ROBO2: variants seen among roughly 807,000 people sequenced by gnomAD.
ROBO2 encodes roundabout homolog 2.
A neutral mutation model predicts 160.8 loss-of-function variants in ROBO2; 53 were observed. The observed-to-expected ratio is 0.33, with a 90% confidence interval of 0.26 to 0.41. The LOEUF (loss-of-function observed/expected upper bound fraction) is 0.41, where lower values mean the gene tolerates loss of function less well. Among genes scored for constraint, ROBO2 ranks in the 10% least tolerant of loss-of-function variants. The probability of loss-of-function intolerance (pLI) is 1.00; values close to 1 mark genes in which losing one functional copy is unlikely to be tolerated. For missense variants in ROBO2, 1,577 were observed against 1,722.4 expected, an observed-to-expected ratio of 0.92 and a Z score of 1.49; for synonymous variants, 664 against 611.7, an observed-to-expected ratio of 1.09 and a Z score of -1.26.
At chr3:76,386,333 C>CCCTG (rs1050132695) in intron 2 of ROBO2, among the ~76,000 whole-genome samples, 1 of 89,666 alleles carries the variant, frequency 1.1e-5, no homozygotes, top group African/African-American at 5.9e-5. Context: ...CTCCTTCCCT[C>CCCTG]CCTCCCTCCC....
At chr3:76,737,509 C>T (rs970190654) in intron 2 of ROBO2, among the ~76,000 whole-genome samples, 6 of 152,094 alleles carry the variant, frequency 3.9e-5, no homozygotes, top group Non-Finnish European at 8.8e-5. Context: ...CCACAAAAGG[C>T]CTATTTAAGC....
chr3:77,291,483 C>A (rs2061247353), intron 2 of ROBO2, among the ~76,000 whole-genome samples: 1 of 151,506 alleles, frequency 6.6e-6, no homozygotes, highest in African/African-American at 2.4e-5. Context: ...TAGGCTGAGG[C>A]TAGATCACCC....
chr3:77,572,417 T>C (rs931759718), intron 13 of ROBO2, among the ~76,000 whole-genome samples: 2 of 151,968 alleles, frequency 1.3e-5, no homozygotes, highest in African/African-American at 4.8e-5. Context: ...TTTCAAAGAA[T>C]GTATCCAATG....
intron 2 of ROBO2, among the ~76,000 whole-genome samples, chr3:77,254,257 A>G (rs1193749090): frequency 6.6e-6 from 1 of 152,168 alleles, no homozygotes; most frequent in African/African-American, 2.4e-5. Flanking sequence ...CAGAGACCCT[A>G]TCTCAAAAAG....
intron 2 of ROBO2, among the ~76,000 whole-genome samples, chr3:76,164,029 C>A (rs1308763113): frequency 6.6e-6 from 1 of 152,168 alleles, no homozygotes; most frequent in Non-Finnish European, 1.5e-5. Context: ...TGGAGTCAAT[C>A]CCCTCAAACC....
At chr3:76,277,982 T>G (rs1305644341) in intron 2 of ROBO2, among the ~76,000 whole-genome samples, 1 of 151,760 alleles carries the variant, frequency 6.6e-6, no homozygotes, top group African/African-American at 2.4e-5. Flanking sequence ...GTAGCCTGGT[T>G]TTGTGCAGTC....
intron 2 of ROBO2, among the ~76,000 whole-genome samples, chr3:76,868,489 T>C (rs998799641): frequency 6.6e-6 from 1 of 152,202 alleles, no homozygotes; most frequent in African/African-American, 2.4e-5. Context: ...CACTTATTTT[T>C]AGACAATAAA....
At chr3:76,472,062 AATGTGT>A (rs1419194097) in intron 2 of ROBO2, among the ~76,000 whole-genome samples, 5 of 125,824 alleles carry the variant, frequency 4.0e-5, no homozygotes, top group African/African-American at 6.1e-5. Context: ...GGTCTGATAA[AATGTGT>A]GTGTGTGTGT....
chr3:76,798,237 G>GA (rs1290200446), intron 2 of ROBO2, among the ~76,000 whole-genome samples: 6 of 71,820 alleles, frequency 8.4e-5, no homozygotes. Context: ...GAGAAAGAAA[G>GA]AAAAAAAGAA....
At chr3:77,179,258 C>T (rs954456897) in intron 2 of ROBO2, among the ~76,000 whole-genome samples, 1 of 151,526 alleles carries the variant, frequency 6.6e-6, no homozygotes, top group Non-Finnish European at 1.5e-5. Flanking sequence ...TTGCTAATAA[C>T]TCTTCACTTC....
At chr3:77,213,471 T>C (rs2084473815) in intron 2 of ROBO2, among the ~76,000 whole-genome samples, 1 of 152,286 alleles carries the variant, frequency 6.6e-6, no homozygotes. Context: ...TTCTCTCTTT[T>C]CTTTTTTATT....
chr3:76,440,884 TCATGTGG>T (rs11278651), intron 2 of ROBO2, among the ~76,000 whole-genome samples: 22,278 of 151,688 alleles, frequency 0.15, 3,333 homozygotes, highest in African/African-American at 0.39. Context: ...AACACAAACT[TCATGTGG>T]CATGTGGCAT....
intron 2 of ROBO2, among the ~76,000 whole-genome samples, chr3:77,365,438 C>T (rs2070721123): frequency 6.6e-6 from 1 of 151,932 alleles, no homozygotes; most frequent in Admixed American, 6.6e-5. Flanking sequence ...TTTCTTGTTG[C>T]TGCAGTTAGT....
At chr3:75,998,685 T>G (rs1364415042) in intron 2 of ROBO2, among the ~76,000 whole-genome samples, 2 of 152,212 alleles carry the variant, frequency 1.3e-5, no homozygotes, top group Admixed American at 6.5e-5. Context: ...TCCCTCTCCA[T>G]GCACAGATGC....
chr3:76,521,712 A>G (rs1383674638), intron 2 of ROBO2, among the ~76,000 whole-genome samples: 2 of 152,158 alleles, frequency 1.3e-5, no homozygotes, highest in African/African-American at 4.8e-5. Context: ...CTCTAGCTTA[A>G]TATATGTATT....
chr3:77,008,774 C>G (rs2061716149), intron 2 of ROBO2, among the ~76,000 whole-genome samples: 1 of 152,104 alleles, frequency 6.6e-6, no homozygotes, highest in African/African-American at 2.4e-5. Context: ...CATTTAGGAA[C>G]AAAACATAGA....
At chr3:77,139,269 TG>T (rs2076518189) in intron 2 of ROBO2, among the ~76,000 whole-genome samples, 1 of 152,210 alleles carries the variant, frequency 6.6e-6, no homozygotes, top group Non-Finnish European at 1.5e-5. Flanking sequence ...AATTTTCTGA[TG>T]TTGAAAACCT....
chr3:76,798,140 G>GAAAGAAAGAA (rs751178223), intron 2 of ROBO2, among the ~76,000 whole-genome samples: 57 of 115,670 alleles, frequency 4.9e-4, no homozygotes, highest in African/African-American at 1.8e-3. Context: ...AAAGAAGAAA[G>GAAAGAAAGAA]AGAAAGAAAG....
intron 2 of ROBO2, among the ~76,000 whole-genome samples, chr3:77,261,115 G>A (rs574605970): frequency 2.4e-4 from 37 of 152,276 alleles, no homozygotes; most frequent in African/African-American, 8.9e-4. Flanking sequence ...TAGCGTATGG[G>A]AAAGCAATTT....
Sources: allele counts gnomAD v4.1 joint callset (sites outside exome capture counted in the v4.1 genomes callset), GRCh38; gene constraint gnomAD v4.1.1; transcripts MANE v1.5; gene names NCBI Gene and HGNC (gene_info 2026-07-23, HGNC 2026-07-21).